RGS6: variants seen among roughly 807,000 people sequenced by gnomAD.
RGS6 encodes regulator of G protein signaling 6, also known as regulator of G-protein signaling 6.
RGS6 carries 30 observed loss-of-function variants against 78.5 expected under a neutral mutation model. The ratio of observed to expected loss-of-function variants is 0.38; its 90% confidence interval spans 0.29 to 0.52. The LOEUF is 0.52. RGS6 is among the 20% of genes least tolerant of loss of function. RGS6 has a pLI of 0.85. For synonymous variants in RGS6, 206 were observed against 206.0 expected, an observed-to-expected ratio of 1.00 and a Z score of 0.00; for missense variants, 495 against 609.7, an observed-to-expected ratio of 0.81 and a Z score of 1.98.
chr14:72,447,108 A>G (rs888665555), intron 3 of RGS6, among the ~76,000 whole-genome samples: 5 of 152,154 alleles, frequency 3.3e-5, no homozygotes, highest in Non-Finnish European at 7.4e-5. Context: ...CTGTGGTGCA[A>G]TGGAGACTGT....
At chr14:72,117,273 G>C (rs779143289) in intron 2 of RGS6, among the ~76,000 whole-genome samples, 3 of 152,094 alleles carry the variant, frequency 2.0e-5, no homozygotes, top group Non-Finnish European at 4.4e-5. Context: ...GGAGGTGGGG[G>C]CTGGTGGGAG....
chr14:72,111,371 C>T (rs1257861128), intron 2 of RGS6, among the ~76,000 whole-genome samples: 2 of 152,106 alleles, frequency 1.3e-5, no homozygotes, highest in Admixed American at 6.5e-5. Flanking sequence ...TGGTGAATGG[C>T]CATTCCATGT....
chr14:72,095,884 T>G (rs1390374537), intron 2 of RGS6, among the ~76,000 whole-genome samples: 1 of 152,268 alleles, frequency 6.6e-6, no homozygotes, highest in Non-Finnish European at 1.5e-5. Context: ...TTGACTTTAT[T>G]GCATAAAAAG....
Position 72,169,211 on chromosome 14 carries a change from A to G in RGS6, c.85-182884A>G, listed in dbSNP as rs111327041. ...GGTTTGTAGAGTACATTCATCTTTG[A>G]TAATTGATTCTTCGGGTGGAGTAAT... On this transcript the variant is annotated intron_variant, in intron 2 of 17. Coordinates refer to ENST00000553525, the MANE Select transcript of RGS6 (RefSeq NM_001204424.2). Among the ~76,000 whole-genome samples the G allele has an allele frequency of 3.8e-3, 586 of 152,258 alleles. 2 individuals are homozygous for G. The highest frequency in any genetic ancestry group is 0.013 in the African/African-American group (547 of 41,548).
At chr14:71,903,330 G>A in the RGS6 span, among the ~76,000 whole-genome samples, 1 of 152,234 alleles carries the variant, frequency 6.6e-6, no homozygotes, top group Admixed American at 6.5e-5. Flanking sequence ...TCCTGGCACA[G>A]TACTCTGCAC....
At chr14:72,275,949 G>A (rs891520218) in intron 2 of RGS6, among the ~76,000 whole-genome samples, 37 of 152,174 alleles carry the variant, frequency 2.4e-4, no homozygotes, top group African/African-American at 8.0e-4. Flanking sequence ...TCTCTCCAAC[G>A]TCTAGACCTC....
chr14:72,370,517 CG>C (rs2083288090), intron 3 of RGS6, among the ~76,000 whole-genome samples: 1 of 152,082 alleles, frequency 6.6e-6, no homozygotes, highest in Non-Finnish European at 1.5e-5. Context: ...ACATCTTAAC[CG>C]CACGGGGAGG....
intron 2 of RGS6, among the ~76,000 whole-genome samples, chr14:72,083,217 A>G (rs775486585): frequency 6.6e-6 from 1 of 152,212 alleles, no homozygotes; most frequent in African/African-American, 2.4e-5. Context: ...CGGGAATTCT[A>G]TTGAATCTGA....
At chr14:71,897,418 G>T in the RGS6 span, among the ~76,000 whole-genome samples, 2 of 152,204 alleles carry the variant, frequency 1.3e-5, no homozygotes, top group Admixed American at 1.3e-4. Flanking sequence ...GCCAAGTGCT[G>T]TGGAGGGCTA....
chr14:71,956,363 T>A (rs929857989), intron 1 of RGS6, among the ~76,000 whole-genome samples: 6 of 107,742 alleles, frequency 5.6e-5, no homozygotes, highest in Non-Finnish European at 1.2e-4. Context: ...GTGTGTATAT[T>A]CTATTTTTAT....
chr14:72,557,564 C>T (rs991617707), intron 17 of RGS6, among the ~76,000 whole-genome samples: 1 of 152,170 alleles, frequency 6.6e-6, no homozygotes, highest in African/African-American at 2.4e-5. Context: ...TCTCCCCCAA[C>T]CCCACCCCAG....
At position 72,324,150 on chromosome 14, in the gene RGS6, A is replaced by G. The variant is rs560884920; in HGVS notation, c.85-27945A>G. Among the ~76,000 whole-genome samples, 5 of 152,278 alleles carry G rather than the reference A, an allele frequency of 3.3e-5. No individual in the cohort carries two copies. The East Asian group carries it at 9.6e-4, about 29-fold the overall frequency. On this transcript the variant is annotated intron_variant, in intron 2 of 17. Coordinates refer to ENST00000553525, the MANE Select transcript of RGS6 (RefSeq NM_001204424.2). ...AGATATTATTCATTTATATCTCTAT[A>G]TCCTAACAACCAGGAAGCTCTATGT...
intron 2 of RGS6, among the ~76,000 whole-genome samples, chr14:72,239,681 T>C (rs1191697453): frequency 1.3e-5 from 2 of 152,164 alleles, no homozygotes; most frequent in Admixed American, 6.5e-5. Flanking sequence ...AGGACAGTGG[T>C]GTGAAGGAAG....
At chr14:72,250,399 G>GGAAAA (rs372722192) in intron 2 of RGS6, among the ~76,000 whole-genome samples, 7 of 114,288 alleles carry the variant, frequency 6.1e-5, no homozygotes, top group African/African-American at 2.4e-4. Context: ...TAAATACACC[G>GGAAAA]AAAAAAAAAA....
intron 3 of RGS6, among the ~76,000 whole-genome samples, chr14:72,426,018 GT>G (rs1302241806): frequency 6.6e-6 from 1 of 152,068 alleles, no homozygotes; most frequent in Admixed American, 6.5e-5. Flanking sequence ...ATTTTCTAAA[GT>G]TTTTGTTAAA....
At chr14:72,013,664 A>G (rs2086339666) in intron 2 of RGS6, among the ~76,000 whole-genome samples, 1 of 152,236 alleles carries the variant, frequency 6.6e-6, no homozygotes, top group Non-Finnish European at 1.5e-5. Flanking sequence ...CTCAGTGAAT[A>G]TTTGTGAAAT....
At chr14:72,108,595 TC>T (rs2095684612) in intron 2 of RGS6, among the ~76,000 whole-genome samples, 1 of 152,018 alleles carries the variant, frequency 6.6e-6, no homozygotes, top group Non-Finnish European at 1.5e-5. Flanking sequence ...CTTGAAGGCT[TC>T]TTATCTTTCT....
At chr14:72,488,277 T>C (rs753046996) in intron 12 of RGS6, among the ~76,000 whole-genome samples, 1 of 152,242 alleles carries the variant, frequency 6.6e-6, no homozygotes, top group Non-Finnish European at 1.5e-5. Flanking sequence ...TGTTCCTCTA[T>C]AGCATGTCTT....
chr14:71,967,876 G>A (rs533986769), intron 2 of RGS6, among the ~76,000 whole-genome samples: 1 of 152,206 alleles, frequency 6.6e-6, no homozygotes, highest in South Asian at 2.1e-4. Flanking sequence ...TGATGGGTGG[G>A]TTTTTAAAGC....
Sources: gnomAD v4.1 joint callset for allele counts (sites outside exome capture counted in the v4.1 genomes callset) on GRCh38, gnomAD v4.1.1 for gene constraint, MANE v1.5 for transcripts, NCBI Gene and HGNC (gene_info 2026-07-23, HGNC 2026-07-21) for gene names.